Variants in IFIH1 observed in about 807,000 individuals in gnomAD.
The protein encoded by IFIH1 is interferon-induced helicase C domain-containing protein 1.
A neutral mutation model predicts 107.4 loss-of-function variants in IFIH1; 125 were observed. The observed-to-expected ratio is 1.16, with a 90% CI of 1.01 to 1.35. IFIH1 has a LOEUF of 1.35. Among genes scored for constraint, IFIH1 ranks in the 40% most tolerant of loss-of-function variants. The pLI, the probability that IFIH1 is intolerant of heterozygous loss-of-function variation, is 0.00. For missense variants in IFIH1, 1,333 were observed against 1,213.7 expected, an observed-to-expected ratio of 1.10 and a Z score of -1.46; for synonymous variants, 458 against 413.2, an observed-to-expected ratio of 1.11 and a Z score of -1.31.
In IFIH1 at chr2:162,278,914, G is replaced by A. The variant is rs114986135; in HGVS notation, c.1642-586C>T. ...CAGGAGCTTTTAGGATACTGGCAGT[G>A]TGCTGTCTCTTGATTTGGATTTTGT... is the stretch of plus-strand genomic sequence containing the variant. On this transcript the variant is annotated intron_variant, in intron 8 of 15. Transcript: ENST00000649979. 2.0e-3 allele frequency among the ~76,000 whole-genome samples: 297 copies of A among 152,176 alleles called. 3 individuals carry two copies. The highest frequency in any genetic ancestry group is 6.9e-3 in the African/African-American group (288 of 41,550).
At chr2:162,274,598 G>A (rs1428518973) in intron 11 of IFIH1, among the ~76,000 whole-genome samples, 1 of 152,078 alleles carries the variant, frequency 6.6e-6, no homozygotes, top group East Asian at 1.9e-4. Flanking sequence ...AAATAAAAAT[G>A]AAAGAAGAGG....
intron 11 of IFIH1, among the ~76,000 whole-genome samples, chr2:162,274,369 T>C (rs1691109706): frequency 6.6e-6 from 1 of 152,176 alleles, no homozygotes; most frequent in Non-Finnish European, 1.5e-5. Context: ...TGATATATTG[T>C]TTTCAGTCAC....
intron 12 of IFIH1, 103 bp from the exon 13 acceptor site, chr2:162,272,490 G>A (rs1249779359): frequency 3.1e-6 from 3 of 977,014 alleles, no homozygotes; most frequent in Non-Finnish European, 4.6e-6. Flanking sequence ...AAATGATATT[G>A]GGTTGTTCAG....
rs1360050657 is a variant in IFIH1, at chr2:162,288,269, C to T, written c.961G>A (p.Glu321Lys). The T allele has an allele frequency of 1.9e-6, 3 of 1,612,866 alleles. No homozygotes were observed. Among genetic ancestry groups the T allele is most frequent in the Non-Finnish European group, 2.5e-6 (3 of 1,179,270 alleles). The change falls in exon 5 of 16, where the codon GAA (glutamate) becomes AAA (lysine). Residue 321 changes from glutamate to lysine, a missense_variant. Coordinates refer to ENST00000649979, the MANE Select transcript of IFIH1 (RefSeq NM_022168.4). ...YQMEVAQPALEGKNIIICLPT... is the reference protein window; with the variant it reads ...YQMEVAQPALKGKNIIICLPT... ...AGGCAGATGATGATATTCTTCCCTTCCAAGGCTGGCTGGGCAACTTCCATT... is the reference window on the plus strand; with the variant it reads ...AGGCAGATGATGATATTCTTCCCTTTCAAGGCTGGCTGGGCAACTTCCATT...
In IFIH1 at chr2:162,318,467, C is replaced by A; in HGVS notation, c.-160G>T. ...CGAGGTTGTCCACAGGGCTCTCAGG[C>A]CGGCGCGCGGGGCTGCACTCGCACC... On this transcript the variant is annotated 5_prime_UTR_variant, in exon 1 of 16. Coordinates refer to ENST00000649979, the MANE Select transcript of IFIH1 (RefSeq NM_022168.4). The A allele has an allele frequency of 1.6e-6, 1 of 638,334 alleles. No homozygotes were observed. The highest frequency in any genetic ancestry group is 2.6e-6 in the Non-Finnish European group (1 of 377,910). 39.5% of individuals were successfully genotyped at this position (638,334 alleles called of 1,614,324 possible).
chr2:162,299,901 G>C lies in IFIH1; in HGVS notation c.770-6233C>G, dbSNP rs144008712. Among the ~76,000 whole-genome samples, 279 of 152,184 alleles carry C rather than the reference G, an allele frequency of 1.8e-3. 1 individual carries two copies. Among genetic ancestry groups the C allele is most frequent in the Non-Finnish European group, 3.0e-3 (201 of 68,008 alleles). ...TGAGCTCTCTTGTGCTTGTGCTTTT[G>C]CTCATGATGCCTCTGAAACCTGAAA... On this transcript the variant is annotated intron_variant, in intron 3 of 15. Transcript: ENST00000649979.
rs777469992 is a variant in IFIH1 at position 162,267,225 on chromosome 2, C to G, written c.3053G>C (p.Cys1018Ser). 1.3e-6 allele frequency: 2 copies of G among 1,595,698 alleles called. No individual in the cohort carries two copies. Among genetic ancestry groups the G allele is most frequent in the South Asian group, 2.3e-5 (2 of 86,930 alleles). ...ITFPNLDYSECCLFSDED is the reference protein window; with the variant it reads ...ITFPNLDYSESCLFSDED ...CTAATCCTCATCACTAAATAAACAG[C>G]ATTCTGAATAGTCAAGATTGGGAAA... The change falls in exon 16 of 16, where the codon TGC becomes TCC. Residue 1018 changes from cysteine to serine, a missense_variant. Coordinates refer to ENST00000649979, the MANE Select transcript of IFIH1 (RefSeq NM_022168.4).
At position 162,277,415 on chromosome 2, in the gene IFIH1, C is replaced by CA. The variant is rs1475939758; in HGVS notation, c.2043dup (p.Glu682Ter). 6.9e-6 allele frequency: 11 copies of CA among 1,603,416 alleles called. No homozygotes were observed. Among genetic ancestry groups the CA allele is most frequent in the Middle Eastern group, 1.7e-4 (1 of 6,014 alleles). On this transcript the variant is annotated frameshift_variant and splice_region_variant, in exon 10 of 16. Coordinates refer to ENST00000649979, the MANE Select transcript of IFIH1 (RefSeq NM_022168.4). LOFTEE classifies it high-confidence loss of function. ...CAGTATATGTTACTTTGAATCTTACCAAAAAATAAAGTCATGAGAAATCTA... is the reference window on the plus strand; with the variant it reads ...CAGTATATGTTACTTTGAATCTTACCAAAAAAATAAAGTCATGAGAAATCTA...
intron 2 of IFIH1, among the ~76,000 whole-genome samples, chr2:162,309,591 T>A (rs571710880): frequency 6.6e-6 from 1 of 152,328 alleles, no homozygotes; most frequent in South Asian, 2.1e-4. Flanking sequence ...TTTGCTGGTA[T>A]AATATATCTC....
chr2:162,275,060 AT>A (rs1472174977), intron 11 of IFIH1, among the ~76,000 whole-genome samples: 6 of 152,196 alleles, frequency 3.9e-5, no homozygotes, highest in Non-Finnish European at 8.8e-5. Flanking sequence ...CTGTGTCTTA[AT>A]TTGAAGGAGT....
Position 162,310,991 on chromosome 2 carries a change from A to G in IFIH1, c.454-58T>C, listed in dbSNP as rs1576239337. ...TCAAACATCTTCTGAATAACCTTAA[A>G]CAGGAAATACCCTTTAGAAAAACTG... On this transcript the variant is annotated intron_variant, in intron 1 of 15. Coordinates refer to ENST00000649979, the MANE Select transcript of IFIH1 (RefSeq NM_022168.4). 1.7e-5 allele frequency: 23 copies of G among 1,336,428 alleles called. No individual in the cohort carries two copies. In the East Asian group the frequency reaches 4.2e-4, roughly 24 times the overall value. The allele number at this position is 1,336,428 out of a possible 1,614,324, so 82.8% of individuals were successfully genotyped here.
At chr2:162,269,447 T>C (rs1035414578) in intron 13 of IFIH1, among the ~76,000 whole-genome samples, 94 of 152,162 alleles carry the variant, frequency 6.2e-4, no homozygotes, top group Non-Finnish European at 1.3e-4. Flanking sequence ...AGATTCCTTC[T>C]GTGAGAGAAT....
Position 162,288,121 on chromosome 2 carries a change from T to C in IFIH1, c.1095+14A>G. 6.6e-7 allele frequency: 1 copy of C among 1,520,676 alleles called. No homozygotes were observed. The highest frequency in any genetic ancestry group is 1.1e-5 in the South Asian group (1 of 88,884). 94.2% of individuals were successfully genotyped at this position (1,520,676 alleles called of 1,614,324 possible). ...ATGAAAATGATCAACTAGTGTTATG[T>C]GTTCTTTGAATACCTTATTGACAAG... is the stretch of plus-strand genomic sequence containing the variant. On this transcript the variant is annotated intron_variant, in intron 5 of 15. Transcript: ENST00000649979.
chr2:162,311,683 T>G (rs770875052), intron 1 of IFIH1, among the ~76,000 whole-genome samples: 47 of 152,276 alleles, frequency 3.1e-4, no homozygotes, highest in Non-Finnish European at 4.7e-4. Flanking sequence ...TGCATTTCCC[T>G]AGGTCCTAAT....
rs568644101 is a variant in IFIH1, at chr2:162,283,426, T to G, written c.1096-850A>C. Reference sequence around the variant, plus strand: ...TGGGTTGACACCTCAATGCTACACATTACTAGTCACTCAAAATACCTTCTG... The same window carrying G: ...TGGGTTGACACCTCAATGCTACACAGTACTAGTCACTCAAAATACCTTCTG... On this transcript the variant is annotated intron_variant, in intron 5 of 15. Transcript: ENST00000649979. Among the ~76,000 whole-genome samples the G allele has an allele frequency of 9.2e-5, 14 of 152,102 alleles. No individual in the cohort carries two copies. In the East Asian group the frequency reaches 2.7e-3, roughly 30 times the overall value.
chr2:162,293,576 C>G lies in IFIH1; in HGVS notation c.862G>C (p.Gly288Arg), dbSNP rs1212007978. The part of the protein sequence containing the change: ...SNMGSDSGTM[G>R]SDSDEENVAA... ...AGTTAGGCAGTACCTGAATCACTTC[C>G]CATGGTGCCTGAATCACTGCCCATG... is the stretch of plus-strand genomic sequence containing the variant. The change falls in exon 4 of 16, where the codon GGA becomes CGA. Residue 288 changes from glycine (G) to arginine (R), a missense_variant. Physicochemically the swap from Gly to Arg is moderately radical, Grantham distance 125 (BLOSUM62 -2). Transcript: ENST00000649979. The G allele has an allele frequency of 6.2e-7, 1 of 1,608,252 alleles. No homozygotes were observed. The highest frequency in any genetic ancestry group is 1.1e-5 in the South Asian group (1 of 90,812).
intron 12 of IFIH1, among the ~76,000 whole-genome samples, chr2:162,273,390 C>G (rs1576222555): frequency 6.6e-6 from 1 of 152,116 alleles, no homozygotes; most frequent in Non-Finnish European, 1.5e-5. Context: ...GCAGAAACAG[C>G]AGGGCTCCCT....
chr2:162,293,797 T>C (rs1196181168), intron 3 of IFIH1, 129 bp from the exon 4 acceptor site: 7 of 566,016 alleles, frequency 1.2e-5, no homozygotes, highest in African/African-American at 5.7e-5. Context: ...CAGACAATTA[T>C]GAATAAAAGG....
chr2:162,272,049 C>T (rs1211159533), intron 13 of IFIH1, among the ~76,000 whole-genome samples, 177 bp downstream of exon 13: 2 of 152,146 alleles, frequency 1.3e-5, no homozygotes, highest in Admixed American at 1.3e-4. Context: ...CTGATAATTT[C>T]CTGCCCACCA....
Sources: gnomAD v4.1 joint callset for allele counts (sites outside exome capture counted in the v4.1 genomes callset) on GRCh38, gnomAD v4.1.1 for gene constraint, MANE v1.5 for transcripts, NCBI Gene and HGNC (gene_info 2026-07-23, HGNC 2026-07-21) for gene names.